Variants in GLYR1 observed in about 807,000 individuals in gnomAD.
GLYR1 encodes the protein glyoxylate reductase 1 homolog.
GLYR1 carries 21 observed loss-of-function variants against 72.7 expected under a neutral mutation model. That is an observed-to-expected ratio of 0.29 (90% confidence interval 0.20 to 0.42). GLYR1 has a LOEUF of 0.42. GLYR1 is among the 10% of genes least tolerant of loss of function. The pLI is 1.00. For synonymous variants in GLYR1, 392 were observed against 270.2 expected, an observed-to-expected ratio of 1.45 and a Z score of -4.42; for missense variants, 594 against 712.1, an observed-to-expected ratio of 0.83 and a Z score of 1.89.
intron 10 of GLYR1, among the ~76,000 whole-genome samples, chr16:4,816,044 T>C (rs1313136585): frequency 6.6e-6 from 1 of 152,230 alleles, no homozygotes; most frequent in Non-Finnish European, 1.5e-5. Flanking sequence ...GCTGGGATTA[T>C]AGGCATGAGC....
intron 6 of GLYR1, among the ~76,000 whole-genome samples, chr16:4,823,322 C>A (rs2084161444): frequency 6.6e-6 from 1 of 152,186 alleles, no homozygotes; most frequent in Admixed American, 6.5e-5. Context: ...GTGTCTGGTA[C>A]CAAGCCCTTG....
Position 4,847,261 on chromosome 16 carries a change from G to T in GLYR1, c.5C>A (p.Ala2Glu). Residue 2 changes from alanine (A) to glutamate (E), a missense_variant, in exon 1 of 16, where the codon GCG becomes GAG. Transcript: ENST00000321919. M[A>E]AVSLRLGDLV... ...GTCGCCGAGCCGCAGACTCACAGCC[G>T]CCATCTTACCACCCAACCACCGCCG... 6.2e-7 allele frequency: 1 copy of T among 1,610,044 alleles called. No individual in the cohort carries two copies. The highest frequency in any genetic ancestry group is 8.5e-7 in the Non-Finnish European group (1 of 1,178,988).
intron 12 of GLYR1, among the ~76,000 whole-genome samples, chr16:4,813,380 T>C (rs1447265287): frequency 6.6e-6 from 1 of 152,118 alleles, no homozygotes; most frequent in Non-Finnish European, 1.5e-5. Context: ...GGTCCCAAAG[T>C]CCCCACTCCC....
rs1039782966 is a variant in GLYR1 at position 4,832,846 on chromosome 16, G to A, written c.222C>T (p.Asn74=). The A allele has an allele frequency of 3.1e-6, 5 of 1,613,380 alleles. No individual in the cohort carries two copies. The African/African-American group carries it at 5.3e-5, about 17-fold the overall frequency. The stretch of plus-strand genomic sequence containing the variant: ...CCGCTTGCTGGAATCGTTTACCCTT[G>A]TTAATTTTTATCATTTCCTCTTTAT... The part of the protein sequence containing the change: ...HAHKEEMIKI[N]KGKRFQQAVD... The change falls in exon 4 of 16, where the codon AAC becomes AAT. Residue 74 remains asparagine, a synonymous_variant. Transcript: ENST00000321919.
chr16:4,845,860 ATT>A (rs1321056597), intron 2 of GLYR1, among the ~76,000 whole-genome samples: 1 of 152,210 alleles, frequency 6.6e-6, no homozygotes, highest in African/African-American at 2.4e-5. Context: ...TTCCTGGATA[ATT>A]TATATTTTCT....
chr16:4,832,367 G>A (rs759032935), intron 4 of GLYR1, 146 bp from the exon 5 acceptor site: 15 of 948,586 alleles, frequency 1.6e-5, no homozygotes, highest in Non-Finnish European at 2.3e-5. Context: ...TGTCGTCCCA[G>A]ACATTGGGAG....
intron 7 of GLYR1, 122 bp from the exon 8 acceptor site, chr16:4,821,719 T>G (rs1213181947): frequency 1.0e-5 from 9 of 860,564 alleles, no homozygotes; most frequent in Admixed American, 1.9e-5. Context: ...TTTTATACTT[T>G]AGTGAACTCC....
intron 1 of GLYR1, 33 bp downstream of exon 1, chr16:4,847,195 C>G (rs767001262): frequency 2.5e-6 from 4 of 1,583,014 alleles, no homozygotes; most frequent in Non-Finnish European, 3.4e-6. Context: ...AGCTCCCCGG[C>G]GCGTCTCGGT....
intron 5 of GLYR1, among the ~76,000 whole-genome samples, chr16:4,826,188 C>A (rs988162345): frequency 6.6e-6 from 1 of 152,160 alleles, no homozygotes; most frequent in African/African-American, 2.4e-5. Context: ...GCTGGGACTA[C>A]AGGTGTGTGC....
At position 4,842,952 on chromosome 16, in the gene GLYR1, G is replaced by A. The variant is rs147884122; in HGVS notation, c.155+2122C>T. On this transcript the variant is annotated intron_variant, in intron 3 of 15. Transcript: ENST00000321919. ...TGGCGTTAAGCAATCTGCCTGCCCC[G>A]GCCTCCCAAAGTGCTGGGGTTACAG... Among the ~76,000 whole-genome samples, 335 of 152,056 alleles carry A rather than the reference G, an allele frequency of 2.2e-3. 1 individual carries two copies. The highest frequency in any genetic ancestry group is 7.7e-3 in the African/African-American group (319 of 41,480).
At position 4,805,169 on chromosome 16, in the gene GLYR1, C is replaced by A; in HGVS notation, c.*67G>T. 7.2e-7 allele frequency: 1 copy of A among 1,386,990 alleles called. No homozygotes were observed. The highest frequency in any genetic ancestry group is 1.0e-6 in the Non-Finnish European group (1 of 979,200). 85.9% of individuals were successfully genotyped at this position (1,386,990 alleles called of 1,614,324 possible). A position where few individuals can be genotyped will look rare whatever the true frequency, so the allele number is the denominator to read the frequency against. On this transcript the variant is annotated 3_prime_UTR_variant, in exon 16 of 16. Transcript: ENST00000321919. ...TGGTCCAGAATGAACTCCCAGGCCC[C>A]CGACCCCATGTGAGGAAGAGGGGGT...
At chr16:4,829,223 G>C (rs2084627624) in intron 5 of GLYR1, among the ~76,000 whole-genome samples, 1 of 152,158 alleles carries the variant, frequency 6.6e-6, no homozygotes, top group African/African-American at 2.4e-5. Context: ...GCAGCCCACA[G>C]AGATGTTTCT....
intron 15 of GLYR1, among the ~76,000 whole-genome samples, chr16:4,808,305 G>A (rs1378750761): frequency 6.7e-6 from 1 of 149,552 alleles, no homozygotes; most frequent in African/African-American, 2.5e-5. Context: ...GGTGTCAAAA[G>A]AACAGTACTG....
chr16:4,824,507 A>AG (rs1169077637), intron 5 of GLYR1, among the ~76,000 whole-genome samples: 3 of 151,436 alleles, frequency 2.0e-5, no homozygotes, highest in Admixed American at 2.0e-4. Flanking sequence ...TCAAAAAAAA[A>AG]AAAAAAAAGA....
chr16:4,823,006 C>T, intron 6 of GLYR1, 75 bp from the exon 7 acceptor site: 1 of 1,205,668 alleles, frequency 8.3e-7, no homozygotes, highest in African/African-American at 1.5e-5. Flanking sequence ...GGTAACTGGA[C>T]TCTCCTCTGG....
chr16:4,825,588 A>C (rs1015530278), intron 5 of GLYR1, among the ~76,000 whole-genome samples: 11 of 152,196 alleles, frequency 7.2e-5, no homozygotes, highest in African/African-American at 2.4e-4. Context: ...CATCACAATA[A>C]GTCCTATTTT....
chr16:4,817,726 G>C (rs1396254831), intron 9 of GLYR1, 29 bp from the exon 10 acceptor site: 1 of 1,361,128 alleles, frequency 7.3e-7, no homozygotes, highest in Admixed American at 1.7e-5. Flanking sequence ...GATGAGTTCA[G>C]GGTGGAAAGG....
chr16:4,837,607 G>C (rs1157075771), intron 3 of GLYR1, among the ~76,000 whole-genome samples: 4 of 151,926 alleles, frequency 2.6e-5, no homozygotes, highest in Non-Finnish European at 5.9e-5. Context: ...AGATGGCAGG[G>C]GGAGGGAGAC....
At chr16:4,817,942 A>T (rs1252520000) in intron 9 of GLYR1, 1 of 476,710 alleles carries the variant, frequency 2.1e-6, no homozygotes, top group Non-Finnish European at 3.8e-6. Context: ...ACTGTCACAG[A>T]AAAAAGTATG....
Sources: gnomAD v4.1 joint callset for allele counts (sites outside exome capture counted in the v4.1 genomes callset) on GRCh38, gnomAD v4.1.1 for gene constraint, MANE v1.5 for transcripts, NCBI Gene and HGNC (gene_info 2026-07-23, HGNC 2026-07-21) for gene names.